The following TAFA2 variants were observed in gnomAD, a reference collection of about 807,000 sequenced individuals.
The protein encoded by TAFA2 is TAFA chemokine like family member 2, also known as chemokine-like protein TAFA-2.
In TAFA2, 7 loss-of-function variants were observed where a neutral mutation model predicts 18.8. The observed-to-expected ratio is 0.37, with a 90% CI of 0.21 to 0.70. The LOEUF is 0.70. Among genes scored for constraint, TAFA2 ranks in the 30% least tolerant of loss-of-function variants. TAFA2 has a pLI of 0.53. For synonymous variants in TAFA2, 60 were observed against 54.2 expected, an observed-to-expected ratio of 1.11 and a Z score of -0.47; for missense variants, 122 against 158.1, an observed-to-expected ratio of 0.77 and a Z score of 1.23.
chr12:61,777,753 C>T (rs1201312397), intron 2 of TAFA2, among the ~76,000 whole-genome samples: 2 of 151,808 alleles, frequency 1.3e-5, no homozygotes, highest in African/African-American at 4.8e-5. Context: ...TATCTCATAA[C>T]CTTGTTGTAA....
intron 1 of TAFA2, among the ~76,000 whole-genome samples, chr12:62,062,815 C>A (rs1469574006): frequency 1.3e-5 from 2 of 152,070 alleles, no homozygotes; most frequent in East Asian, 3.8e-4. Flanking sequence ...GTGGAGGTAA[C>A]CATTTTCCTG....
chr12:62,189,940 TTG>T (rs10643306), intron 1 of TAFA2, among the ~76,000 whole-genome samples: 2,129 of 141,970 alleles, frequency 0.015, 14 homozygotes, highest in South Asian at 0.028. Flanking sequence ...TGAGTTTGCT[TTG>T]TGTGTGTGTG....
chr12:62,040,551 C>T (rs1472243907), intron 1 of TAFA2, among the ~76,000 whole-genome samples: 2 of 152,096 alleles, frequency 1.3e-5, no homozygotes, highest in Admixed American at 1.3e-4. Context: ...CAAGGAACCT[C>T]AAGTATTGCT....
At chr12:62,080,782 G>GA (rs1220947287) in intron 1 of TAFA2, among the ~76,000 whole-genome samples, 1 of 151,950 alleles carries the variant, frequency 6.6e-6, no homozygotes, top group South Asian at 2.1e-4. Flanking sequence ...TGACGGAAAT[G>GA]AAAAAAATGG....
rs75421439 is a variant in TAFA2 at position 62,133,816 on chromosome 12, C to T, written c.-2+57443G>A. ...ATGAACAAACAAACATAGGCTTGGA[C>T]AAATAATCATTGAGCATATAGGCTT... On this transcript the variant is annotated intron_variant, in intron 1 of 4. Transcript: ENST00000416284. Among the ~76,000 whole-genome samples, 354 of 152,188 alleles carry T rather than the reference C, an allele frequency of 2.3e-3. 2 individuals are homozygous for T. Among genetic ancestry groups the T allele is most frequent in the African/African-American group, 7.7e-3 (319 of 41,568 alleles).
At chr12:62,027,951 T>C (rs1467003786) in intron 1 of TAFA2, among the ~76,000 whole-genome samples, 2 of 152,166 alleles carry the variant, frequency 1.3e-5, no homozygotes, top group African/African-American at 2.4e-5. Context: ...CCTGGTTCCC[T>C]GTTATCCAAC....
At chr12:61,774,174 T>C (rs902948210) in intron 2 of TAFA2, among the ~76,000 whole-genome samples, 2 of 151,374 alleles carry the variant, frequency 1.3e-5, no homozygotes, top group East Asian at 3.9e-4. Flanking sequence ...AATCAAAAAA[T>C]AATATATGTT....
chr12:61,876,146 G>T (rs982464400), intron 1 of TAFA2, among the ~76,000 whole-genome samples: 2 of 151,942 alleles, frequency 1.3e-5, no homozygotes, highest in Non-Finnish European at 2.9e-5. Context: ...TTTTATCAAT[G>T]CAAATAAGCT....
chr12:62,169,495 A>G (rs1250130247), intron 1 of TAFA2, among the ~76,000 whole-genome samples: 1 of 152,162 alleles, frequency 6.6e-6, no homozygotes, highest in Non-Finnish European at 1.5e-5. Context: ...TTTATTGGTT[A>G]TAATAATTCG....
intron 1 of TAFA2, among the ~76,000 whole-genome samples, chr12:62,227,252 T>C (rs1042464111): frequency 6.6e-6 from 1 of 152,218 alleles, no homozygotes; most frequent in Non-Finnish European, 1.5e-5. Flanking sequence ...CTAAGCCTTA[T>C]TTATCTCTCA....
At chr12:62,233,066 CTTTTTTTTTTTTTTTTTTT>C (rs34781688) in intron 1 of TAFA2, among the ~76,000 whole-genome samples, 29 of 39,580 alleles carry the variant, frequency 7.3e-4, no homozygotes, top group Admixed American at 4.9e-3. Context: ...TTCTGCATCT[CTTTTTTTTTTTTTTTTTTT>C]TTTTTTTTTT....
In TAFA2 at chr12:61,867,479, C is replaced by A. The variant is rs1356168865; in HGVS notation, c.-1-53G>T. ...TAAGTATGCAAATTCATAGCTTTTCCCTTATGATTGTGCTACATGTAAAGC... is the reference window on the plus strand; with the variant it reads ...TAAGTATGCAAATTCATAGCTTTTCACTTATGATTGTGCTACATGTAAAGC... On this transcript the variant is annotated intron_variant, in intron 1 of 4. Coordinates refer to ENST00000416284, the MANE Select transcript of TAFA2 (RefSeq NM_178539.5). The A allele has an allele frequency of 2.7e-6, 3 of 1,115,968 alleles. No individual in the cohort carries two copies. The East Asian group carries it at 7.2e-5, about 27-fold the overall frequency. The allele number at this position is 1,115,968 out of a possible 1,614,324, so 69.1% of individuals were successfully genotyped here. A position where few individuals can be genotyped will look rare whatever the true frequency, so the allele number is the denominator to read the frequency against.
chr12:62,097,837 A>G (rs1869015506), intron 1 of TAFA2, among the ~76,000 whole-genome samples: 1 of 152,156 alleles, frequency 6.6e-6, no homozygotes, highest in Non-Finnish European at 1.5e-5. Context: ...TGGTAAATCA[A>G]ACAATCAGCA....
At chr12:62,194,330 C>CACA (rs1555197318), upstream of TAFA2, among the ~76,000 whole-genome samples, 8 of 151,532 alleles carry the variant, frequency 5.3e-5, no homozygotes, top group African/African-American at 7.3e-5. Flanking sequence ...CACACACATA[C>CACA]AAAAAAACAT....
chr12:62,060,694 T>G (rs1469798307), intron 1 of TAFA2, among the ~76,000 whole-genome samples: 5 of 152,200 alleles, frequency 3.3e-5, no homozygotes, highest in African/African-American at 9.7e-5. Context: ...TTACTGCCCC[T>G]GAAGACCTTC....
intron 2 of TAFA2, among the ~76,000 whole-genome samples, chr12:61,815,363 G>A (rs1426719979): frequency 6.6e-6 from 1 of 151,352 alleles, no homozygotes; most frequent in Non-Finnish European, 1.5e-5. Context: ...CATTCAAAAG[G>A]AAATAAAAAG....
At chr12:62,031,035 G>C (rs1173764572) in intron 1 of TAFA2, among the ~76,000 whole-genome samples, 1 of 152,130 alleles carries the variant, frequency 6.6e-6, no homozygotes, top group Admixed American at 6.6e-5. Context: ...ATTAAAGAGA[G>C]AATGACCATG....
intron 1 of TAFA2, among the ~76,000 whole-genome samples, chr12:61,927,443 A>G (rs1017620303): frequency 6.6e-6 from 1 of 152,194 alleles, no homozygotes; most frequent in Non-Finnish European, 1.5e-5. Flanking sequence ...ATACCTAGGA[A>G]TACAACTTAC....
At chr12:61,740,946 C>T (rs1356021145) in intron 4 of TAFA2, among the ~76,000 whole-genome samples, 1 of 151,214 alleles carries the variant, frequency 6.6e-6, no homozygotes. Context: ...CAATATTAAA[C>T]ATTATAATAA....
Sources: gnomAD v4.1 joint callset for allele counts (sites outside exome capture counted in the v4.1 genomes callset) on GRCh38, gnomAD v4.1.1 for gene constraint, MANE v1.5 for transcripts, NCBI Gene and HGNC (gene_info 2026-07-23, HGNC 2026-07-21) for gene names.